Variants in NINJ2 observed in about 807,000 individuals in gnomAD.
NINJ2 encodes ninjurin-2.
A neutral mutation model predicts 11.7 loss-of-function variants in NINJ2; 12 were observed. That is an observed-to-expected ratio of 1.02 (90% confidence interval 0.66 to 1.66). NINJ2 has a LOEUF of 1.66. Among genes scored for constraint, NINJ2 ranks in the 40% most tolerant of loss-of-function variants. NINJ2 has a pLI of 0.00. For missense variants in NINJ2, 187 were observed against 181.8 expected, an observed-to-expected ratio of 1.03 and a Z score of -0.16; for synonymous variants, 93 against 76.8, an observed-to-expected ratio of 1.21 and a Z score of -1.10.
At chr12:618,775 A>T (rs1233785883) in intron 1 of NINJ2, among the ~76,000 whole-genome samples, 2 of 152,170 alleles carry the variant, frequency 1.3e-5, no homozygotes, top group East Asian at 3.8e-4. Flanking sequence ...GCAAAAGGCA[A>T]ACACACTTGG....
intron 1 of NINJ2, chr12:644,346 T>C (rs1937643870): frequency 6.6e-6 from 1 of 152,242 alleles, no homozygotes; most frequent in East Asian, 1.9e-4. Context: ...CCAGGATACT[T>C]TGTATAGAAA....
At chr12:601,080 T>G (rs920002357) in intron 1 of NINJ2, among the ~76,000 whole-genome samples, 11 of 152,206 alleles carry the variant, frequency 7.2e-5, no homozygotes, top group African/African-American at 2.4e-4. Context: ...TCCCTGTGAT[T>G]TGCTCTCTCC....
chr12:565,354 G>A lies in NINJ2; in HGVS notation c.310C>T (p.Leu104Phe). ...ACCAAGATGGTGGCTGCGTTGTTGA[G>A]CTGGTTGAGTCGCCACTGCTTTTCT... ...EVEKQWRLNQ[L>F]NNAATILVFF... is the part of the protein sequence containing the mutation. Residue 104 changes from leucine (L) to phenylalanine (F), a missense_variant, in exon 3 of 4, where the codon CTC (leucine) becomes TTC (phenylalanine). Coordinates refer to ENST00000305108, the MANE Select transcript of NINJ2 (RefSeq NM_016533.6). 6.2e-7 allele frequency: 1 copy of A among 1,614,218 alleles called. No homozygotes were observed. The highest frequency in any genetic ancestry group is 1.1e-5 in the South Asian group (1 of 91,084).
At position 580,165 on chromosome 12, in the gene NINJ2, C is replaced by T. The variant is rs1401289894; in HGVS notation, c.34-13987G>A. Among the ~76,000 whole-genome samples, 1 of 152,166 alleles carries T rather than the reference C, an allele frequency of 6.6e-6. No homozygotes were observed. The highest frequency in any genetic ancestry group is 2.4e-5 in the African/African-American group (1 of 41,416). On this transcript the variant is annotated intron_variant, in intron 1 of 3. Transcript: ENST00000305108. This position sits in a 1 kb window ranked among gnomAD's most constrained non-coding sequence, Gnocchi z 4.7. Reference sequence around the variant, plus strand: ...CAGTTAAGGACACAGAATCCAGAGCCTGTATAAAGTGTATAAAGGGGGAAG... The same window carrying T: ...CAGTTAAGGACACAGAATCCAGAGCTTGTATAAAGTGTATAAAGGGGGAAG...
At chr12:617,686 G>T (rs919225303) in intron 1 of NINJ2, among the ~76,000 whole-genome samples, 1 of 152,198 alleles carries the variant, frequency 6.6e-6, no homozygotes, top group Admixed American at 6.5e-5. Flanking sequence ...TGGCGTCGCC[G>T]TGTTTTCTGT....
At chr12:655,059 T>C (rs1189754711) in intron 1 of NINJ2, among the ~76,000 whole-genome samples, 1 of 152,132 alleles carries the variant, frequency 6.6e-6, no homozygotes, top group Non-Finnish European at 1.5e-5. Context: ...GTACACTAGA[T>C]AATTTCCTCA....
intron 1 of NINJ2, among the ~76,000 whole-genome samples, chr12:647,986 C>T (rs1937715697): frequency 6.6e-6 from 1 of 152,178 alleles, no homozygotes; most frequent in African/African-American, 2.4e-5. Context: ...TAGTAATGAC[C>T]ACTGGGTAGT....
chr12:641,944 G>A (rs555107954), intron 1 of NINJ2, among the ~76,000 whole-genome samples: 1 of 152,086 alleles, frequency 6.6e-6, no homozygotes, highest in East Asian at 1.9e-4. Flanking sequence ...ACCTGTCTTT[G>A]AGGACAATGC....
chr12:638,630 T>C (rs1948382523), intron 1 of NINJ2, among the ~76,000 whole-genome samples: 1 of 152,232 alleles, frequency 6.6e-6, no homozygotes, highest in Non-Finnish European at 1.5e-5. Flanking sequence ...TTAGCCATGA[T>C]GGTCTTGATG....
At chr12:601,497 A>G (rs540574457) in intron 1 of NINJ2, among the ~76,000 whole-genome samples, 306 of 151,806 alleles carry the variant, frequency 2.0e-3, no homozygotes, top group Non-Finnish European at 2.3e-3. Context: ...ACAGTGAGCC[A>G]AGATCAGGCC....
intron 1 of NINJ2, among the ~76,000 whole-genome samples, chr12:656,055 G>A (rs2120539388): frequency 6.6e-6 from 1 of 152,160 alleles, no homozygotes; most frequent in South Asian, 2.1e-4. Flanking sequence ...TAATTGTATA[G>A]TTAGTTTATA....
chr12:591,150 G>T lies in NINJ2; in HGVS notation c.34-24972C>A, dbSNP rs114124654. ...TGCCTCTTTTCAAAATGGTATGACA[G>T]TCCCTAGGTTCTCTGGCTCCTGTTT... is the stretch of plus-strand genomic sequence containing the variant. On this transcript the variant is annotated intron_variant, in intron 1 of 3. Coordinates refer to ENST00000305108, the MANE Select transcript of NINJ2 (RefSeq NM_016533.6). The surrounding 1 kb of genome is among the most constrained non-coding windows in gnomAD (Gnocchi z 5.0). The T allele has an allele frequency of 0.019, 2,857 of 152,458 alleles. 101 individuals carry two copies. Among genetic ancestry groups the T allele is most frequent in the African/African-American group, 0.064 (2,674 of 41,572 alleles). 9.4% of individuals were successfully genotyped at this position (152,458 alleles called of 1,614,324 possible).
chr12:613,910 A>G (rs1348795478), intron 1 of NINJ2, among the ~76,000 whole-genome samples: 2 of 152,070 alleles, frequency 1.3e-5, no homozygotes, highest in Non-Finnish European at 2.9e-5. Context: ...GTCTCAAAAA[A>G]TAATAATAAT....
intron 1 of NINJ2, among the ~76,000 whole-genome samples, chr12:572,015 G>A (rs1413747672): frequency 2.0e-5 from 3 of 152,228 alleles, no homozygotes; most frequent in African/African-American, 7.2e-5. Flanking sequence ...GCAGCCCAGA[G>A]GGCATCACCA....
At position 581,821 on chromosome 12, in the gene NINJ2, G is replaced by A. The variant is rs180824144; in HGVS notation, c.34-15643C>T. 6.6e-6 allele frequency among the ~76,000 whole-genome samples: 1 copy of A among 152,284 alleles called. No homozygotes were observed. Among genetic ancestry groups the A allele is most frequent in the African/African-American group, 2.4e-5 (1 of 41,558 alleles). On this transcript the variant is annotated intron_variant, in intron 1 of 3. Transcript: ENST00000305108. The surrounding 1 kb of genome is among the most constrained non-coding windows in gnomAD (Gnocchi z 4.9). ...TATCTGGTGAAATAGGTGAGCTGCT[G>A]CCAAACTCAGCAAAACCCTCAGCAA...
rs141335263 is a variant in NINJ2, at chr12:571,164, T to C, written c.34-4986A>G. On this transcript the variant is annotated intron_variant, in intron 1 of 3. Coordinates refer to ENST00000305108, the MANE Select transcript of NINJ2 (RefSeq NM_016533.6). ...AGTCCCTGTTCAAGGCGCGGTTGCC[T>C]GTGGGAAAGGCTGCCCATCAAAATC... is the stretch of plus-strand genomic sequence containing the variant. Among the ~76,000 whole-genome samples, 9 of 152,322 alleles carry C rather than the reference T, an allele frequency of 5.9e-5. No individual in the cohort carries two copies. The East Asian group carries it at 1.7e-3, about 29-fold the overall frequency.
intron 1 of NINJ2, among the ~76,000 whole-genome samples, chr12:589,305 A>G (rs1947686951): frequency 6.6e-6 from 1 of 152,242 alleles, no homozygotes; most frequent in African/African-American, 2.4e-5. Context: ...GATTAGATAC[A>G]GAAGATATCT....
intron 1 of NINJ2, among the ~76,000 whole-genome samples, chr12:597,290 C>T (rs1229000961): frequency 6.6e-6 from 1 of 152,176 alleles, no homozygotes; most frequent in Non-Finnish European, 1.5e-5. Flanking sequence ...ATAATGGCAC[C>T]TTCCTGACAG....
chr12:584,458 G>A (rs1008970955), intron 1 of NINJ2, among the ~76,000 whole-genome samples: 51 of 151,900 alleles, frequency 3.4e-4, no homozygotes, highest in Non-Finnish European at 1.3e-4. Flanking sequence ...ATCACCTGAG[G>A]TCAGGAGTTT....
Sources: gnomAD v4.1 joint callset for allele counts (sites outside exome capture counted in the v4.1 genomes callset) on GRCh38, gnomAD v4.1.1 for gene constraint, Gnocchi (gnomAD v3.1) non-coding constraint, MANE v1.5 for transcripts, NCBI Gene and HGNC (gene_info 2026-07-23, HGNC 2026-07-21) for gene names.